Variants in PALLD observed in about 807,000 individuals in gnomAD.
The protein encoded by PALLD is palladin, cytoskeletal associated protein, also known as palladin.
Under a neutral mutation model 123.5 loss-of-function variants are expected in PALLD, and 61 were observed. The observed-to-expected ratio is 0.49, with a 90% CI of 0.40 to 0.61. The LOEUF (loss-of-function observed/expected upper bound fraction) is 0.61, where lower values mean the gene tolerates loss of function less well. Ranked by LOEUF, PALLD falls within the 20% of genes least tolerant of loss-of-function variation. The pLI, the probability that PALLD is intolerant of heterozygous loss-of-function variation, is 0.00. For missense variants in PALLD, 1,273 were observed against 1,377.0 expected (o/e 0.92, Z 1.20); for synonymous variants, 465 against 496.4 (o/e 0.94, Z 0.84).
intron 3 of PALLD, among the ~76,000 whole-genome samples, chr4:168,669,673 T>A (rs1235754775): frequency 1.3e-5 from 2 of 152,168 alleles, no homozygotes; most frequent in African/African-American, 4.8e-5. Context: ...TTACTTTCAG[T>A]GAAAGGATCC....
At chr4:168,541,443 TTTTATTTATTTA>T (rs60488300) in intron 2 of PALLD, among the ~76,000 whole-genome samples, 1,772 of 147,744 alleles carry the variant, frequency 0.012, 17 homozygotes, top group Non-Finnish European at 0.016. Context: ...CTCTCACTCA[TTTTATTTATTTA>T]TTTATTTATT....
chr4:168,748,126 T>C (rs1309017080), intron 10 of PALLD, among the ~76,000 whole-genome samples: 2 of 152,224 alleles, frequency 1.3e-5, no homozygotes, highest in South Asian at 2.1e-4. Context: ...TTGAAAAATA[T>C]ATATTTTGTC....
chr4:168,878,684 G>A (rs910128725), intron 10 of PALLD, among the ~76,000 whole-genome samples: 1 of 134,372 alleles, frequency 7.4e-6, no homozygotes, highest in Non-Finnish European at 1.5e-5. Flanking sequence ...AATCATTATG[G>A]GGGGGGGGGT....
rs189397822 is a variant in PALLD at position 168,530,036 on chromosome 4, C to T, written c.908+17624C>T. ...TATATTTCATTATTACTATGGCCCT[C>T]GGGTTCTGTGTTAGAACAATTACAT... On this transcript the variant is annotated intron_variant, in intron 2 of 21. Coordinates refer to ENST00000505667, the MANE Select transcript of PALLD (RefSeq NM_001166108.2). Among the ~76,000 whole-genome samples the T allele has an allele frequency of 6.6e-5, 10 of 152,242 alleles. No individual in the cohort carries two copies. The East Asian group carries it at 7.7e-4, about 12-fold the overall frequency.
chr4:168,840,411 A>G (rs1420790194), intron 10 of PALLD, among the ~76,000 whole-genome samples: 2 of 152,216 alleles, frequency 1.3e-5, no homozygotes, highest in East Asian at 3.9e-4. Context: ...GCAGCTGTCC[A>G]AGTTCATGAT....
chr4:168,924,306 G>A lies in PALLD; in HGVS notation c.3110G>A (p.Gly1037Glu). The change falls in exon 19 of 22, where the codon GGA becomes GAA. Residue 1037 changes from glycine to glutamate, a missense_variant. By Grantham distance (98) the Gly-to-Glu change is moderately conservative. This residue lies in a region of PALLD where 329 missense variants were observed against 422.5 expected (regional missense o/e 0.78). Transcript: ENST00000505667. ...PVFIEKLQNTGVADGYPVRLE... is the reference protein window; with the variant it reads ...PVFIEKLQNTEVADGYPVRLE... ...TTTATTGAGAAGCTCCAAAACACAG[G>A]AGTTGCTGATGGGTACCCAGTGCGG... The A allele has an allele frequency of 6.2e-7, 1 of 1,613,952 alleles. No homozygotes were observed. Among genetic ancestry groups the A allele is most frequent in the Non-Finnish European group, 8.5e-7 (1 of 1,179,896 alleles).
rs1471140102 is a variant in PALLD at position 168,709,103 on chromosome 4, A to T, written c.1577A>T (p.Asp526Val). 1.2e-6 allele frequency: 2 copies of T among 1,613,756 alleles called. No homozygotes were observed. The highest frequency in any genetic ancestry group is 3.3e-5 in the Admixed American group (2 of 60,006). ...AGIFTCSARN[D>V]YGSATSTAQL... ...ATCTTTACATGTTCAGCAAGAAATG[A>T]TTATGGATCAGCAACCAGCACTGCC... Residue 526 changes from aspartate (D) to valine (V), a missense_variant, in exon 9 of 22, where the codon GAT becomes GTT. This residue lies in a region of PALLD where 944 missense variants were observed against 954.5 expected (regional missense o/e 0.99). Coordinates refer to ENST00000505667, the MANE Select transcript of PALLD (RefSeq NM_001166108.2).
chr4:168,804,943 G>A (rs1162558497), intron 10 of PALLD, among the ~76,000 whole-genome samples: 9 of 151,600 alleles, frequency 5.9e-5, no homozygotes, highest in African/African-American at 1.9e-4. Context: ...GGCAGATCAC[G>A]AGGTCAGGAG....
At chr4:168,914,863 T>A (rs1441784897) in intron 16 of PALLD, among the ~76,000 whole-genome samples, 1 of 152,246 alleles carries the variant, frequency 6.6e-6, no homozygotes, top group Non-Finnish European at 1.5e-5. Flanking sequence ...CCACACAGAC[T>A]TTTGTTCAAC....
chr4:168,802,005 G>A (rs1220916390), intron 10 of PALLD, among the ~76,000 whole-genome samples: 1 of 152,186 alleles, frequency 6.6e-6, no homozygotes, highest in East Asian at 1.9e-4. Context: ...CCATGAAGAA[G>A]AGAACATGGA....
intron 2 of PALLD, among the ~76,000 whole-genome samples, chr4:168,563,060 C>T (rs1446763937): frequency 1.3e-5 from 2 of 152,010 alleles, no homozygotes; most frequent in Admixed American, 6.6e-5. Context: ...TGGGGAGTGG[C>T]GGACAGAAGA....
At chr4:168,530,024 T>C (rs950326933) in intron 2 of PALLD, among the ~76,000 whole-genome samples, 1 of 152,244 alleles carries the variant, frequency 6.6e-6, no homozygotes, top group Non-Finnish European at 1.5e-5. Flanking sequence ...ATTTCATTAT[T>C]ACTATGGCCC....
chr4:168,707,863 T>C lies in PALLD; in HGVS notation c.1502-1165T>C, dbSNP rs371446242. Among the ~76,000 whole-genome samples, 11 of 152,222 alleles carry C rather than the reference T, an allele frequency of 7.2e-5. No individual in the cohort carries two copies. In the South Asian group the frequency reaches 1.4e-3, roughly 20 times the overall value. The stretch of plus-strand genomic sequence containing the variant: ...TTCTTAACGTTTGCCCACATAATTA[T>C]CTTTATACTGGTACAATATAAGCAA... On this transcript the variant is annotated intron_variant, in intron 8 of 21. Transcript: ENST00000505667.
At chr4:168,597,000 A>T (rs1772055636) in intron 2 of PALLD, among the ~76,000 whole-genome samples, 1 of 152,048 alleles carries the variant, frequency 6.6e-6, no homozygotes, top group South Asian at 2.1e-4. Flanking sequence ...TAATGGGAAA[A>T]AAAATTACGC....
At chr4:168,898,224 C>G (rs1755674690) in intron 13 of PALLD, 2 of 486,656 alleles carry the variant, frequency 4.1e-6, no homozygotes, top group East Asian at 7.6e-5. Flanking sequence ...CTTGTTTCCC[C>G]TCGCCTCAGA....
intron 2 of PALLD, among the ~76,000 whole-genome samples, chr4:168,519,129 G>C (rs1478413756): frequency 6.6e-6 from 1 of 152,126 alleles, no homozygotes; most frequent in Non-Finnish European, 1.5e-5. Flanking sequence ...TCAGGCTTAC[G>C]GATGTAGTAG....
rs142449126 is a variant in PALLD at position 168,766,784 on chromosome 4, A to G, written c.1964+54861A>G. Among the ~76,000 whole-genome samples, 255 of 152,328 alleles carry G rather than the reference A, an allele frequency of 1.7e-3. 1 individual carries two copies. The highest frequency in any genetic ancestry group is 3.4e-3 in the Middle Eastern group (1 of 294). On this transcript the variant is annotated intron_variant, in intron 10 of 21. Transcript: ENST00000505667. ...TGTTGGATATGATCTCAGTCATTCTAGCAATAACATGGTCATTTAAAGTTG... is the reference window on the plus strand; with the variant it reads ...TGTTGGATATGATCTCAGTCATTCTGGCAATAACATGGTCATTTAAAGTTG...
intron 10 of PALLD, among the ~76,000 whole-genome samples, chr4:168,857,141 G>A (rs1309276814): frequency 1.3e-5 from 2 of 152,066 alleles, no homozygotes; most frequent in South Asian, 2.1e-4. Context: ...GCCATTCCTC[G>A]CCCTCCATGT....
At chr4:168,644,987 G>C (rs1777299891) in intron 2 of PALLD, among the ~76,000 whole-genome samples, 1 of 151,618 alleles carries the variant, frequency 6.6e-6, no homozygotes, top group Admixed American at 6.6e-5. Flanking sequence ...TGTAATCCCA[G>C]CTACTCGGGA....
Sources: allele counts gnomAD v4.1 joint callset (sites outside exome capture counted in the v4.1 genomes callset), GRCh38; gene constraint gnomAD v4.1.1; regional missense constraint gnomAD v4.1.1; transcripts MANE v1.5; gene names NCBI Gene and HGNC (gene_info 2026-07-23, HGNC 2026-07-21).